POF1B: variants seen among roughly 807,000 people sequenced by gnomAD.
POF1B encodes the protein POF1B actin binding protein, also known as protein POF1B.
POF1B carries 53 observed loss-of-function variants against 55.3 expected under a neutral mutation model. That is an observed-to-expected ratio of 0.96 (90% CI 0.77 to 1.20). The LOEUF is 1.20. Among genes scored for constraint, POF1B ranks in the 50% most tolerant of loss-of-function variants. POF1B has a pLI of 0.00. For missense variants in POF1B, 478 were observed against 420.5 expected (o/e 1.14, Z -1.20); for synonymous variants, 188 against 148.3 (o/e 1.27, Z -1.95).
In POF1B at chrX:85,359,563, T is replaced by G; in HGVS notation, c.425A>C (p.Gln142Pro). 1 of 1,196,342 alleles carries G rather than the reference T, an allele frequency of 8.4e-7. No individual in the cohort carries two copies. Among genetic ancestry groups the G allele is most frequent in the Non-Finnish European group, 1.1e-6 (1 of 885,079 alleles). ...TTGGTGTCTTACCTGTTCAGGATTT[T>G]GTACTACATATTTCCTAATAGTGGT... ...PQTTIRKYVVQNPEQEPLSQF... is the reference protein window; with the variant it reads ...PQTTIRKYVVPNPEQEPLSQF... The change falls in exon 4 of 17, where the codon CAA (glutamine) becomes CCA (proline). Residue 142 changes from glutamine to proline, a missense_variant. Physicochemically the swap from Gln to Pro is moderately conservative, Grantham distance 76. Coordinates refer to ENST00000262753, the MANE Select transcript of POF1B (RefSeq NM_024921.4).
intron 15 of POF1B, among the ~76,000 whole-genome samples, chrX:85,282,519 T>C (rs1931927381): frequency 1.8e-5 from 2 of 110,873 alleles, no homozygotes; most frequent in Admixed American, 9.6e-5. Context: ...GAAAATAAAA[T>C]AGAGGGACTT....
intron 15 of POF1B, among the ~76,000 whole-genome samples, chrX:85,298,575 T>C (rs1932364319): frequency 8.9e-6 from 1 of 111,789 alleles, no homozygotes; most frequent in East Asian, 2.8e-4. Flanking sequence ...CAGTGTTTTC[T>C]CTCCAAAGAT....
chrX:85,347,838 G>A lies in POF1B; in HGVS notation c.541-1796C>T, dbSNP rs753648851. Among the ~76,000 whole-genome samples, 3 of 110,570 alleles carry A rather than the reference G, an allele frequency of 2.7e-5. No individual in the cohort carries two copies. In the South Asian group the frequency reaches 1.1e-3, roughly 41 times the overall value. On this transcript the variant is annotated intron_variant, in intron 5 of 16. Transcript: ENST00000262753. ...TCTTTACAGTTTAGGAATTTTGGGG[G>A]TGAATGTATGTTACATTACTATTAT...
At chrX:85,349,645 T>C (rs1933339948) in intron 5 of POF1B, among the ~76,000 whole-genome samples, 1 of 111,143 alleles carries the variant, frequency 9.0e-6, no homozygotes. Flanking sequence ...AGATAAATTA[T>C]TGGAGTGATG....
At chrX:85,369,089 A>C (rs1283314127) in intron 2 of POF1B, among the ~76,000 whole-genome samples, 1 of 111,843 alleles carries the variant, frequency 8.9e-6, no homozygotes, top group Non-Finnish European at 1.9e-5. Context: ...CTGTTGTTGA[A>C]CTTGTAACAT....
At chrX:85,360,455 A>G (rs753420433) in intron 3 of POF1B, among the ~76,000 whole-genome samples, 47 of 101,442 alleles carry the variant, frequency 4.6e-4, no homozygotes, top group African/African-American at 1.6e-3. Context: ...TTAATAGCCT[A>G]CAACTCCATC....
chrX:85,346,487 C>G (rs993482604), intron 5 of POF1B, among the ~76,000 whole-genome samples: 1 of 109,802 alleles, frequency 9.1e-6, no homozygotes, highest in African/African-American at 3.3e-5. Flanking sequence ...ATTAGAATCA[C>G]AGTGGGTGAG....
At chrX:85,354,863 G>A (rs1208005295) in intron 4 of POF1B, among the ~76,000 whole-genome samples, 1 of 111,210 alleles carries the variant, frequency 9.0e-6, no homozygotes, top group African/African-American at 3.3e-5. Context: ...AATCAATAAC[G>A]TGAAAATGGC....
Position 85,366,213 on chromosome X carries a change from GA to G in POF1B, c.357+1478del, listed in dbSNP as rs765348330. 2.9e-4 allele frequency among the ~76,000 whole-genome samples: 32 copies of G among 111,608 alleles called. No homozygotes were observed. The South Asian group carries it at 6.1e-3, about 21-fold the overall frequency. On this transcript the variant is annotated intron_variant, in intron 3 of 16. Coordinates refer to ENST00000262753, the MANE Select transcript of POF1B (RefSeq NM_024921.4). Reference sequence around the variant, plus strand: ...AGCAGGGCAGGTATTCTCTTATGGAGAGGGGGAAGATTGAATAATCATCCAT... The same window carrying G: ...AGCAGGGCAGGTATTCTCTTATGGAGGGGGGAAGATTGAATAATCATCCAT...
chrX:85,313,103 C>G (rs146263227), intron 9 of POF1B, among the ~76,000 whole-genome samples: 10 of 111,796 alleles, frequency 8.9e-5, no homozygotes, highest in African/African-American at 3.2e-4. Flanking sequence ...TCTAAATATA[C>G]AATCATGTCG....
chrX:85,334,051 G>A (rs1368700164), intron 6 of POF1B, among the ~76,000 whole-genome samples: 1 of 110,992 alleles, frequency 9.0e-6, no homozygotes, highest in Non-Finnish European at 1.9e-5. Context: ...AAACTGTGTT[G>A]TGCTAGTTAG....
chrX:85,350,599 A>T (rs1933362553), intron 5 of POF1B, among the ~76,000 whole-genome samples: 1 of 111,442 alleles, frequency 9.0e-6, no homozygotes, highest in African/African-American at 3.3e-5. Context: ...ATCCCTGAGG[A>T]ATCACCACAT....
chrX:85,305,360 T>A (rs1932546147), intron 13 of POF1B, among the ~76,000 whole-genome samples: 1 of 110,821 alleles, frequency 9.0e-6, no homozygotes, highest in African/African-American at 3.3e-5. Context: ...CTTAACACTG[T>A]TTTCCTCCTC....
chrX:85,315,324 TTTAA>T (rs1457985813), intron 8 of POF1B, among the ~76,000 whole-genome samples: 5 of 111,463 alleles, frequency 4.5e-5, no homozygotes, highest in South Asian at 3.7e-4. Flanking sequence ...ACATTTGCTA[TTTAA>T]TTAATCATAT....
In POF1B at chrX:85,314,415, T is replaced by G; in HGVS notation, c.957+17A>C. ...GTTAGTGTTGATTTCACACATCCAC[T>G]CTTGACCCCAACTCACCTGCAGAAT... On this transcript the variant is annotated intron_variant, in intron 9 of 16. Transcript: ENST00000262753. 8.5e-7 allele frequency: 1 copy of G among 1,180,040 alleles called. No individual in the cohort carries two copies. Among genetic ancestry groups the G allele is most frequent in the Non-Finnish European group, 1.1e-6 (1 of 877,258 alleles).
At chrX:85,279,927 G>C (rs1931860885) in intron 16 of POF1B, among the ~76,000 whole-genome samples, 2 of 111,032 alleles carry the variant, frequency 1.8e-5, no homozygotes, top group Non-Finnish European at 3.8e-5. Context: ...GGCAGCAATT[G>C]CTTCTCAGTC....
intron 7 of POF1B, among the ~76,000 whole-genome samples, chrX:85,330,596 T>G (rs1350376569): frequency 9.0e-6 from 1 of 111,561 alleles, no homozygotes; most frequent in Non-Finnish European, 1.9e-5. Context: ...CTTGTGTTTT[T>G]TGTTTTTTGT....
chrX:85,374,892 T>C (rs1044444831), intron 2 of POF1B, among the ~76,000 whole-genome samples: 3 of 112,193 alleles, frequency 2.7e-5, no homozygotes, highest in Admixed American at 9.4e-5. Context: ...AACATGTTAT[T>C]TATAATAATC....
At chrX:85,342,079 A>C (rs191416805) in intron 6 of POF1B, among the ~76,000 whole-genome samples, 86 of 111,496 alleles carry the variant, frequency 7.7e-4, no homozygotes, top group Non-Finnish European at 7.9e-4. Flanking sequence ...CCTGTCATCA[A>C]CAGGTGTAAA....
Sources: allele counts gnomAD v4.1 joint callset (sites outside exome capture counted in the v4.1 genomes callset), GRCh38; gene constraint gnomAD v4.1.1; transcripts MANE v1.5; gene names NCBI Gene and HGNC (gene_info 2026-07-23, HGNC 2026-07-21).